NARS1: variants seen among roughly 807,000 people sequenced by gnomAD.
NARS1 encodes asparaginyl-tRNA synthetase 1.
NARS1 carries 65 observed loss-of-function variants against 79.2 expected under a neutral mutation model. That is an observed-to-expected ratio of 0.82 (90% CI 0.67 to 1.01). The LOEUF (loss-of-function observed/expected upper bound fraction) is 1.01, where lower values mean the gene tolerates loss of function less well. NARS1 is among the 50% of genes least tolerant of loss of function. NARS1 has a pLI of 0.00. For missense variants in NARS1, 649 were observed against 673.8 expected (o/e 0.96, Z 0.41); for synonymous variants, 229 against 238.8 (o/e 0.96, Z 0.38).
At position 57,601,539 on chromosome 18, in the gene NARS1, A is replaced by C; in HGVS notation, c.*113T>G. On this transcript the variant is annotated 3_prime_UTR_variant, in exon 14 of 14. Transcript: ENST00000256854. Reference sequence around the variant, plus strand: ...AGTTTTTATGGTAGTAGAAAGAAAAACAGAAAGAGAAACCCCAATGAAACA... The same window carrying C: ...AGTTTTTATGGTAGTAGAAAGAAAACCAGAAAGAGAAACCCCAATGAAACA... The C allele has an allele frequency of 9.1e-7, 1 of 1,100,390 alleles. No homozygotes were observed. Among genetic ancestry groups the C allele is most frequent in the Admixed American group, 2.9e-5 (1 of 34,844 alleles). The allele number at this position is 1,100,390 out of a possible 1,614,324, so 68.2% of individuals were successfully genotyped here.
chr18:57,614,767 G>A (rs2051633869), intron 4 of NARS1, among the ~76,000 whole-genome samples: 3 of 152,202 alleles, frequency 2.0e-5, no homozygotes, highest in Admixed American at 6.5e-5. Context: ...CCCATCTGCT[G>A]GCATTCAGTT....
intron 7 of NARS1, among the ~76,000 whole-genome samples, chr18:57,608,190 A>G (rs1201047963): frequency 6.6e-6 from 1 of 152,006 alleles, no homozygotes; most frequent in African/African-American, 2.4e-5. Flanking sequence ...TTTAAAAGAT[A>G]TTTGTGTCTG....
At chr18:57,618,243 C>T (rs1268515161) in intron 2 of NARS1, among the ~76,000 whole-genome samples, 5 of 141,234 alleles carry the variant, frequency 3.5e-5, no homozygotes, top group Non-Finnish European at 7.5e-5. Context: ...GAGCCGAGAT[C>T]ATGCCACTGC....
At chr18:57,613,731 C>T in intron 4 of NARS1, 51 bp from the exon 5 acceptor site, 5 of 1,454,080 alleles carry the variant, frequency 3.4e-6, no homozygotes, top group Non-Finnish European at 4.8e-6. Flanking sequence ...TTTATACACA[C>T]CAACTTTTTC....
Position 57,606,392 on chromosome 18 carries a change from G to C in NARS1, c.1137+224C>G, listed in dbSNP as rs190682474. 6.1e-5 allele frequency among the ~76,000 whole-genome samples: 9 copies of C among 148,412 alleles called. No individual in the cohort carries two copies. In the East Asian group the frequency reaches 1.4e-3, roughly 23 times the overall value. ...TATATATATATATAACTTCAGACTA[G>C]AAAACTATGTAGACATTCCTAAAAT... On this transcript the variant is annotated intron_variant, in intron 10 of 13. Coordinates refer to ENST00000256854, the MANE Select transcript of NARS1 (RefSeq NM_004539.4).
intron 2 of NARS1, among the ~76,000 whole-genome samples, chr18:57,617,981 A>G (rs1299760468): frequency 2.0e-5 from 3 of 151,318 alleles, no homozygotes; most frequent in Non-Finnish European, 4.4e-5. Context: ...AGACATTGTA[A>G]GAATACATGT....
intron 7 of NARS1, 62 bp from the exon 8 acceptor site, chr18:57,607,727 T>C (rs1192198907): frequency 2.8e-5 from 38 of 1,347,062 alleles, no homozygotes; most frequent in Admixed American, 1.1e-4. Flanking sequence ...ATTAACAGTA[T>C]TGAGGATTTT....
Position 57,605,917 on chromosome 18 carries a change from G to C in NARS1, c.1191C>G (p.Ile397Met). 1 of 1,613,628 alleles carries C rather than the reference G, an allele frequency of 6.2e-7. No homozygotes were observed. Among genetic ancestry groups the C allele is most frequent in the African/African-American group, 1.3e-5 (1 of 75,008 alleles). ...PFKRMNYSDA[I>M]VWLKEHDVKK... ...TTACATCATGTTCTTTTAGCCAAAC[G>C]ATAGCATCTGAATAGTTCATCCGTT... Residue 397 changes from isoleucine (I) to methionine (M), a missense_variant, in exon 11 of 14, where the codon ATC becomes ATG. Ile to Met is a conservative substitution (Grantham distance 10). Transcript: ENST00000256854.
chr18:57,608,457 A>AC (rs1363213141), intron 7 of NARS1, among the ~76,000 whole-genome samples: 3 of 151,232 alleles, frequency 2.0e-5, no homozygotes, highest in Non-Finnish European at 4.4e-5. Context: ...AAAAAAAAAA[A>AC]ACAATAAAAA....
intron 2 of NARS1, among the ~76,000 whole-genome samples, chr18:57,617,199 G>A (rs570954169): frequency 6.6e-5 from 10 of 152,258 alleles, no homozygotes; most frequent in African/African-American, 1.9e-4. Context: ...AACAAGAAAT[G>A]CAGTGAATTA....
Position 57,615,748 on chromosome 18 carries a change from G to A in NARS1, c.253-18C>T. 9.3e-6 allele frequency: 15 copies of A among 1,610,414 alleles called. No homozygotes were observed. Among genetic ancestry groups the A allele is most frequent in the Non-Finnish European group, 1.3e-5 (15 of 1,177,684 alleles). On this transcript the variant is annotated intron_variant, in intron 3 of 13. Coordinates refer to ENST00000256854, the MANE Select transcript of NARS1 (RefSeq NM_004539.4). Reference sequence around the variant, plus strand: ...TCTTCTGCCTAATTTTAATGATGAAGCAGTTTGTTAACATGGTTGCCAGAG... The same window carrying A: ...TCTTCTGCCTAATTTTAATGATGAAACAGTTTGTTAACATGGTTGCCAGAG...
intron 6 of NARS1, among the ~76,000 whole-genome samples, chr18:57,610,573 G>A (rs931346521): frequency 2.6e-5 from 4 of 152,156 alleles, no homozygotes; most frequent in African/African-American, 4.8e-5. Flanking sequence ...CCAAAAAACT[G>A]AACCTAATCA....
At chr18:57,616,436 A>G (rs1245547807) in intron 2 of NARS1, among the ~76,000 whole-genome samples, 2 of 151,896 alleles carry the variant, frequency 1.3e-5, no homozygotes, top group Non-Finnish European at 2.9e-5. Context: ...AAAAAAAAAA[A>G]AAAAAGAAGC....
rs148893823 is a variant in NARS1, at chr18:57,620,612, G to A, written c.50C>T (p.Thr17Met). 14 of 1,613,494 alleles carry A rather than the reference G, an allele frequency of 8.7e-6. No homozygotes were observed. Among genetic ancestry groups the A allele is most frequent in the African/African-American group, 8.0e-5 (6 of 74,850 alleles). Reference sequence around the variant, plus strand: ...TGGTTTCTCCTTGGTTCCATCTCCCGTGGCATCGCTTCCCTCTCGGTCAGA... The same window carrying A: ...TGGTTTCTCCTTGGTTCCATCTCCCATGGCATCGCTTCCCTCTCGGTCAGA... ...YVSDREGSDA[T>M]GDGTKEKPFK... The change falls in exon 2 of 14, where the codon ACG (threonine) becomes ATG (methionine). Residue 17 changes from threonine to methionine, a missense_variant. Physicochemically the swap from Thr to Met is moderately conservative, Grantham distance 81. Coordinates refer to ENST00000256854, the MANE Select transcript of NARS1 (RefSeq NM_004539.4).
chr18:57,606,512 T>C, intron 10 of NARS1, 104 bp downstream of exon 10: 2 of 1,137,578 alleles, frequency 1.8e-6, no homozygotes, highest in Non-Finnish European at 2.5e-6. Context: ...TAGTCACTTA[T>C]TTCAGCTCAC....
intron 4 of NARS1, 132 bp from the exon 5 acceptor site, chr18:57,613,812 C>A (rs889412109): frequency 1.0e-5 from 7 of 690,762 alleles, no homozygotes; most frequent in Middle Eastern, 2.5e-4. Context: ...AGCCCCTCTA[C>A]TGCAGCTCAG....
rs779074046 is a variant in NARS1 at position 57,615,889 on chromosome 18, T to C, written c.180A>G (p.Lys60=). The part of the protein sequence containing the change: ...KENERWNVIS[K]SQLKNIKKMW... ...TCTTTTTAATGTTCTTCAACTGTGA[T>C]TTAGAAATAACATTCCACCTCTCAT... The change falls in exon 3 of 14, where the codon AAA becomes AAG. Residue 60 remains lysine, a synonymous_variant. Transcript: ENST00000256854. 2 of 1,613,112 alleles carry C rather than the reference T, an allele frequency of 1.2e-6. No individual in the cohort carries two copies. Among genetic ancestry groups the C allele is most frequent in the Admixed American group, 1.7e-5 (1 of 59,822 alleles).
intron 2 of NARS1, among the ~76,000 whole-genome samples, chr18:57,617,263 G>T (rs1455740440): frequency 6.6e-6 from 1 of 152,040 alleles, no homozygotes; most frequent in Non-Finnish European, 1.5e-5. Context: ...TCAGTTCTAC[G>T]ACTGCTGCAG....
chr18:57,603,660 T>C (rs1236326022), intron 11 of NARS1, among the ~76,000 whole-genome samples: 2 of 152,108 alleles, frequency 1.3e-5, no homozygotes, highest in Non-Finnish European at 2.9e-5. Flanking sequence ...TAAAAATGGA[T>C]TGAGAGAACT....
Sources: allele counts gnomAD v4.1 joint callset (sites outside exome capture counted in the v4.1 genomes callset), GRCh38; gene constraint gnomAD v4.1.1; transcripts MANE v1.5; gene names NCBI Gene and HGNC (gene_info 2026-07-23, HGNC 2026-07-21).